Variants in EPHA4 observed in about 807,000 individuals in gnomAD.
EPHA4 encodes EPH receptor A4, also known as ephrin type-A receptor 4.
EPHA4 carries 19 observed loss-of-function variants against 108.3 expected under a neutral mutation model. The ratio of observed to expected loss-of-function variants is 0.18; its 90% CI spans 0.12 to 0.26. The LOEUF (loss-of-function observed/expected upper bound fraction) is 0.26. Among genes scored for constraint, EPHA4 ranks in the 10% least tolerant of loss-of-function variants. The probability of loss-of-function intolerance (pLI) is 1.00; values close to 1 mark genes in which losing one functional copy is unlikely to be tolerated. For missense variants in EPHA4, 917 were observed against 1,254.0 expected (o/e 0.73, Z 4.06); for synonymous variants, 449 against 455.5 (o/e 0.99, Z 0.18).
chr2:221,533,797 C>G (rs1245702455), intron 3 of EPHA4, among the ~76,000 whole-genome samples: 1 of 145,244 alleles, frequency 6.9e-6, no homozygotes, highest in Non-Finnish European at 1.5e-5. Context: ...GAGAGAGAAT[C>G]TCTCCCTTAT....
intron 3 of EPHA4, among the ~76,000 whole-genome samples, chr2:221,501,721 G>A (rs1462869293): frequency 6.6e-6 from 1 of 151,850 alleles, no homozygotes; most frequent in Non-Finnish European, 1.5e-5. Flanking sequence ...TCCAAGTGCT[G>A]ACAAAAAAAC....
intron 2 of EPHA4, among the ~76,000 whole-genome samples, chr2:221,566,304 G>A (rs1694625537): frequency 6.6e-6 from 1 of 151,870 alleles, no homozygotes; most frequent in South Asian, 2.1e-4. Flanking sequence ...CAAGTTAACA[G>A]TGAATAAAGA....
At chr2:221,451,366 A>G (rs1055699201) in intron 8 of EPHA4, among the ~76,000 whole-genome samples, 2 of 152,204 alleles carry the variant, frequency 1.3e-5, no homozygotes, top group African/African-American at 4.8e-5. Context: ...GCATAGATTC[A>G]GTCATTAGTC....
At chr2:221,471,195 C>T (rs191835015) in intron 5 of EPHA4, among the ~76,000 whole-genome samples, 7 of 151,994 alleles carry the variant, frequency 4.6e-5, no homozygotes, top group Admixed American at 1.3e-4. Context: ...GAATGTATTA[C>T]GAAAGCTATT....
intron 17 of EPHA4, among the ~76,000 whole-genome samples, chr2:221,424,983 A>G (rs1041194017): frequency 2.0e-5 from 3 of 152,112 alleles, no homozygotes; most frequent in Non-Finnish European, 2.9e-5. Flanking sequence ...GCCTGACCTC[A>G]TCTGGGTCAT....
intron 3 of EPHA4, among the ~76,000 whole-genome samples, chr2:221,517,210 G>A (rs2106170520): frequency 6.6e-6 from 1 of 152,278 alleles, no homozygotes; most frequent in South Asian, 2.1e-4. Flanking sequence ...TAAAGGGCCA[G>A]CAATTGTGAA....
At chr2:221,477,412 G>C (rs1211179975) in intron 5 of EPHA4, among the ~76,000 whole-genome samples, 18 of 152,162 alleles carry the variant, frequency 1.2e-4, no homozygotes, top group Non-Finnish European at 1.5e-5. Context: ...TAGCCCTATG[G>C]ACATTTTGGA....
At chr2:221,491,503 C>A (rs1692142623) in intron 4 of EPHA4, among the ~76,000 whole-genome samples, 1 of 152,128 alleles carries the variant, frequency 6.6e-6, no homozygotes, top group Admixed American at 6.6e-5. Context: ...ACCCTGCTTC[C>A]CTTTCATAGA....
chr2:221,451,782 C>A (rs1008569893), intron 8 of EPHA4, among the ~76,000 whole-genome samples: 1 of 152,110 alleles, frequency 6.6e-6, no homozygotes, highest in African/African-American at 2.4e-5. Context: ...ATAGCTAAAT[C>A]AATGTGCCTA....
At chr2:221,548,828 C>T (rs566243516) in intron 3 of EPHA4, among the ~76,000 whole-genome samples, 37 of 152,124 alleles carry the variant, frequency 2.4e-4, no homozygotes, top group African/African-American at 8.7e-4. Flanking sequence ...ATCTTAGTAA[C>T]CTCATAGTCT....
intron 5 of EPHA4, among the ~76,000 whole-genome samples, chr2:221,461,123 G>T (rs1458697833): frequency 6.6e-6 from 1 of 152,132 alleles, no homozygotes; most frequent in Non-Finnish European, 1.5e-5. Flanking sequence ...GGATATATGG[G>T]CACCCGCTTG....
Position 221,436,148 on chromosome 2 carries a change from A to C in EPHA4, c.2346+251T>G, listed in dbSNP as rs114850734. Among the ~76,000 whole-genome samples, 314 of 152,288 alleles carry C rather than the reference A, an allele frequency of 2.1e-3. 2 individuals carry two copies. Among genetic ancestry groups the C allele is most frequent in the African/African-American group, 7.3e-3 (305 of 41,578 alleles). ...TCTTCCCCCTGCCCTCCCAAAAAAA[A>C]ACATAGAGGGAAAGATAATTCATTT... On this transcript the variant is annotated intron_variant, in intron 13 of 17. Coordinates refer to ENST00000281821, the MANE Select transcript of EPHA4 (RefSeq NM_004438.5).
At chr2:221,530,695 G>C (rs1304401657) in intron 3 of EPHA4, among the ~76,000 whole-genome samples, 1 of 152,152 alleles carries the variant, frequency 6.6e-6, no homozygotes, top group Non-Finnish European at 1.5e-5. Flanking sequence ...TTTGGGTTTG[G>C]GGGACACATG....
Position 221,572,291 on chromosome 2 carries a change from T to C in EPHA4, c.-43A>G. Reference sequence around the variant, plus strand: ...GCTGCTCCTGCCGCTTCTATCCCAGTGGAATAAATGCTTAAGTTAGGAGAG... The same window carrying C: ...GCTGCTCCTGCCGCTTCTATCCCAGCGGAATAAATGCTTAAGTTAGGAGAG... On this transcript the variant is annotated 5_prime_UTR_variant, in exon 1 of 18. Transcript: ENST00000281821. 2 of 1,528,572 alleles carry C rather than the reference T, an allele frequency of 1.3e-6. No homozygotes were observed. The highest frequency in any genetic ancestry group is 1.8e-6 in the Non-Finnish European group (2 of 1,102,340). The allele number at this position is 1,528,572 out of a possible 1,614,324, so 94.7% of individuals were successfully genotyped here. A position where few individuals can be genotyped will look rare whatever the true frequency, so the allele number is the denominator to read the frequency against.
At chr2:221,451,592 G>C (rs577552048) in intron 8 of EPHA4, among the ~76,000 whole-genome samples, 1 of 152,256 alleles carries the variant, frequency 6.6e-6, no homozygotes, top group South Asian at 2.1e-4. Flanking sequence ...GCATCATATA[G>C]GTACAAGAAG....
At chr2:221,503,562 C>T (rs1313244238) in intron 3 of EPHA4, among the ~76,000 whole-genome samples, 2 of 152,072 alleles carry the variant, frequency 1.3e-5, no homozygotes, top group Non-Finnish European at 2.9e-5. Flanking sequence ...TATTTTTCCT[C>T]GAAGCTGGTA....
At chr2:221,500,681 C>A (rs947221262) in intron 4 of EPHA4, among the ~76,000 whole-genome samples, 1 of 152,116 alleles carries the variant, frequency 6.6e-6, no homozygotes, top group African/African-American at 2.4e-5. Context: ...GTTTCTCCTG[C>A]CAGTTGTCAA....
Position 221,496,943 on chromosome 2 carries a change from T to C in EPHA4, c.979+4074A>G, listed in dbSNP as rs1306183720. Reference sequence around the variant, plus strand: ...AAAATTTAGTTCCATTGGAGGGGTCTGAACCTTAACTGTACAATAAATTAA... The same window carrying C: ...AAAATTTAGTTCCATTGGAGGGGTCCGAACCTTAACTGTACAATAAATTAA... On this transcript the variant is annotated intron_variant, in intron 4 of 17. Transcript: ENST00000281821. Among the ~76,000 whole-genome samples, 3 of 152,012 alleles carry C rather than the reference T, an allele frequency of 2.0e-5. No individual in the cohort carries two copies. In the East Asian group the frequency reaches 5.8e-4, roughly 29 times the overall value.
intron 3 of EPHA4, among the ~76,000 whole-genome samples, chr2:221,511,908 T>C (rs985713738): frequency 6.6e-6 from 1 of 152,220 alleles, no homozygotes; most frequent in Non-Finnish European, 1.5e-5. Flanking sequence ...AAACAAAATA[T>C]GGTTTTCAAT....
Sources: gnomAD v4.1 joint callset for allele counts (sites outside exome capture counted in the v4.1 genomes callset) on GRCh38, gnomAD v4.1.1 for gene constraint, MANE v1.5 for transcripts, NCBI Gene and HGNC (gene_info 2026-07-23, HGNC 2026-07-21) for gene names.